The following TNIP3 variants were observed in gnomAD, a reference collection of about 807,000 sequenced individuals.
TNIP3 encodes the protein TNFAIP3 interacting protein 3, also known as TNFAIP3-interacting protein 3.
Under a neutral mutation model 54.1 loss-of-function variants are expected in TNIP3, and 34 were observed. The observed-to-expected ratio is 0.63, with a 90% CI of 0.48 to 0.84. The LOEUF (loss-of-function observed/expected upper bound fraction) is 0.84, where lower values mean the gene tolerates loss of function less well. Ranked by LOEUF, TNIP3 falls within the 40% of genes least tolerant of loss-of-function variation. TNIP3 has a pLI of 0.00. For synonymous variants in TNIP3, 134 were observed against 136.8 expected, an observed-to-expected ratio of 0.98 and a Z score of 0.14; for missense variants, 366 against 387.6, an observed-to-expected ratio of 0.94 and a Z score of 0.47.
chr4:121,161,467 A>G (rs891270223), intron 1 of TNIP3, among the ~76,000 whole-genome samples: 2 of 152,214 alleles, frequency 1.3e-5, no homozygotes, highest in African/African-American at 4.8e-5. Flanking sequence ...AATTATAAAT[A>G]TATCTGTATA....
chr4:121,222,891 C>T (rs1379604910), intron 1 of TNIP3, among the ~76,000 whole-genome samples: 5 of 147,968 alleles, frequency 3.4e-5, no homozygotes, highest in Non-Finnish European at 5.9e-5. Context: ...CTGCAAGCTC[C>T]GCCTCCCAGG....
intron 2 of TNIP3, among the ~76,000 whole-genome samples, chr4:121,212,938 T>G (rs1310116278): frequency 6.6e-6 from 1 of 152,176 alleles, no homozygotes; most frequent in Admixed American, 6.5e-5. Context: ...AACATCTGCC[T>G]GTCACTCCAT....
At chr4:121,220,884 T>C (rs1407500052), upstream of TNIP3, among the ~76,000 whole-genome samples, 1 of 152,036 alleles carries the variant, frequency 6.6e-6, no homozygotes, top group East Asian at 1.9e-4. Flanking sequence ...ATACGTTCAG[T>C]CAAGAGTGGG....
intron 3 of TNIP3, among the ~76,000 whole-genome samples, chr4:121,180,473 C>T (rs530660255): frequency 6.1e-4 from 93 of 151,960 alleles, no homozygotes; most frequent in Non-Finnish European, 1.2e-3. Flanking sequence ...GTGTCAAATG[C>T]AAATAAAAAG....
At chr4:121,195,066 G>T (rs1725503137) in intron 2 of TNIP3, among the ~76,000 whole-genome samples, 1 of 152,084 alleles carries the variant, frequency 6.6e-6, no homozygotes, top group African/African-American at 2.4e-5. Context: ...TACTCAGGAG[G>T]CTGAGGCAGG....
At chr4:121,134,258 A>G (rs563883981) in intron 10 of TNIP3, among the ~76,000 whole-genome samples, 5 of 152,330 alleles carry the variant, frequency 3.3e-5, no homozygotes, top group South Asian at 2.1e-4. Context: ...TCTGTACCCT[A>G]TGAAAAATTT....
chr4:121,150,219 C>T lies in TNIP3; in HGVS notation c.493G>A (p.Ala165Thr). ...TTGATATTCAAGGCATCCTGAAGAG[C>T]CTACGTAATAAGATAAGTACACTGT... ...YECEIKRLNK[A>T]LQDALNIKCS... Residue 165 changes from alanine (A) to threonine (T), a missense_variant and splice_region_variant, in exon 6 of 11, where the codon GCT becomes ACT. Physicochemically the swap from Ala to Thr is moderately conservative, Grantham distance 58. Coordinates refer to ENST00000057513, the MANE Select transcript of TNIP3 (RefSeq NM_024873.6). 6.3e-7 allele frequency: 1 copy of T among 1,590,464 alleles called. No individual in the cohort carries two copies. The highest frequency in any genetic ancestry group is 8.6e-7 in the Non-Finnish European group (1 of 1,159,442).
rs563975403 is a variant in TNIP3 at position 121,146,941 on chromosome 4, TA to T, written c.735+107del. On this transcript the variant is annotated intron_variant, in intron 7 of 10. Coordinates refer to ENST00000057513, the MANE Select transcript of TNIP3 (RefSeq NM_024873.6). ...TGACTTCATCCCAGGTGCTGACCTT[TA>T]AAAAAAAATTCAATGTCAATTAACA... 4,614 of 1,262,154 alleles carry T rather than the reference TA, an allele frequency of 3.7e-3. 11 individuals carry two copies. The highest frequency in any genetic ancestry group is 3.6e-3 in the Non-Finnish European group (3,403 of 934,802). 78.2% of individuals were successfully genotyped at this position (1,262,154 alleles called of 1,614,324 possible). A position where few individuals can be genotyped will look rare whatever the true frequency, so the allele number is the denominator to read the frequency against.
chr4:121,201,701 C>T (rs1725898321), intron 2 of TNIP3, among the ~76,000 whole-genome samples: 1 of 152,140 alleles, frequency 6.6e-6, no homozygotes, highest in Non-Finnish European at 1.5e-5. Flanking sequence ...TGGGCAATTA[C>T]TTAGCTCATT....
At chr4:121,171,008 G>A (rs1731035867) in intron 3 of TNIP3, among the ~76,000 whole-genome samples, 1 of 152,048 alleles carries the variant, frequency 6.6e-6, no homozygotes, top group Admixed American at 6.6e-5. Context: ...TAGAGTTGGG[G>A]TTTCATCATG....
At chr4:121,226,858 A>G (rs1413619479) in intron 1 of TNIP3, among the ~76,000 whole-genome samples, 1 of 152,156 alleles carries the variant, frequency 6.6e-6, no homozygotes, top group Admixed American at 6.5e-5. Context: ...TATGCTCCCC[A>G]TTGATGTGAT....
intron 10 of TNIP3, among the ~76,000 whole-genome samples, chr4:121,135,177 G>T (rs1485446507): frequency 6.6e-6 from 1 of 152,076 alleles, no homozygotes; most frequent in Non-Finnish European, 1.5e-5. Flanking sequence ...ATTGTACTTT[G>T]GTTTTCCATG....
At chr4:121,207,659 C>G (rs1726259668) in intron 2 of TNIP3, among the ~76,000 whole-genome samples, 2 of 152,122 alleles carry the variant, frequency 1.3e-5, no homozygotes. Context: ...TCTGAAACTG[C>G]CTTTATAAAA....
intron 2 of TNIP3, among the ~76,000 whole-genome samples, chr4:121,159,332 A>G (rs1271833065): frequency 6.6e-6 from 1 of 152,256 alleles, no homozygotes; most frequent in African/African-American, 2.4e-5. Flanking sequence ...ACAGTTTATC[A>G]GTAACTTTTA....
upstream of TNIP3, among the ~76,000 whole-genome samples, chr4:121,219,436 A>C (rs1401543324): frequency 6.6e-6 from 1 of 152,274 alleles, no homozygotes; most frequent in East Asian, 1.9e-4. Context: ...TCTTGGATGC[A>C]TTTCAGCACA....
At chr4:121,143,034 A>G (rs1012897050) in intron 7 of TNIP3, among the ~76,000 whole-genome samples, 2 of 152,236 alleles carry the variant, frequency 1.3e-5, no homozygotes, top group African/African-American at 4.8e-5. Flanking sequence ...AGATACAGAT[A>G]TAGAAACAAT....
intron 6 of TNIP3, among the ~76,000 whole-genome samples, chr4:121,148,657 C>T (rs1729566901): frequency 6.6e-6 from 1 of 152,202 alleles, no homozygotes; most frequent in Non-Finnish European, 1.5e-5. Flanking sequence ...TGTAATGAAG[C>T]AGATTATTCA....
chr4:121,221,641 T>C, intron 1 of TNIP3, among the ~76,000 whole-genome samples: 1 of 152,174 alleles, frequency 6.6e-6, no homozygotes, highest in Non-Finnish European at 1.5e-5. Flanking sequence ...AGAGGAAAAT[T>C]ACACACCACT....
intron 9 of TNIP3, among the ~76,000 whole-genome samples, chr4:121,141,291 T>C (rs994318327): frequency 6.6e-6 from 1 of 152,232 alleles, no homozygotes; most frequent in African/African-American, 2.4e-5. Flanking sequence ...TGCTCAACTC[T>C]GCATTTCATT....
Sources: gnomAD v4.1 joint callset for allele counts (sites outside exome capture counted in the v4.1 genomes callset) on GRCh38, gnomAD v4.1.1 for gene constraint, MANE v1.5 for transcripts, NCBI Gene and HGNC (gene_info 2026-07-23, HGNC 2026-07-21) for gene names.